Variants in PGM5 observed in about 807,000 individuals in gnomAD.
PGM5 encodes phosphoglucomutase-like protein 5.
PGM5 carries 23 observed loss-of-function variants against 59.2 expected under a neutral mutation model. The observed-to-expected ratio is 0.39, with a 90% CI of 0.28 to 0.55. PGM5 has a LOEUF of 0.55. Among genes scored for constraint, PGM5 ranks in the 20% least tolerant of loss-of-function variants. The probability of loss-of-function intolerance (pLI) is 0.66; values close to 1 mark genes in which losing one functional copy is unlikely to be tolerated. For synonymous variants in PGM5, 214 were observed against 286.0 expected, an observed-to-expected ratio of 0.75 and a Z score of 2.54; for missense variants, 574 against 748.3, an observed-to-expected ratio of 0.77 and a Z score of 2.72.
chr9:68,525,206 C>T (rs1237566471), intron 10 of PGM5, among the ~76,000 whole-genome samples: 1 of 152,160 alleles, frequency 6.6e-6, no homozygotes, highest in Admixed American at 6.5e-5. Flanking sequence ...CCCACATGCA[C>T]ACAATGTCCT....
intron 6 of PGM5, among the ~76,000 whole-genome samples, chr9:68,416,524 G>A (rs564913629): frequency 6.6e-6 from 1 of 152,200 alleles, no homozygotes. Context: ...AATAAACTAT[G>A]TGAGTTTGAA....
Position 68,465,160 on chromosome 9 carries a change from A to G in PGM5, c.1111A>G (p.Met371Val). 2 of 1,613,520 alleles carry G rather than the reference A, an allele frequency of 1.2e-6. No homozygotes were observed. Among genetic ancestry groups the G allele is most frequent in the East Asian group, 2.2e-5 (1 of 44,870 alleles). The change falls in exon 7 of 11, where the codon ATG (methionine) becomes GTG (valine). Residue 371 changes from methionine to valine, a missense_variant. Physicochemically the swap from Met to Val is conservative, Grantham distance 21. Coordinates refer to ENST00000396396, the MANE Select transcript of PGM5 (RefSeq NM_021965.4). ...TGGATGGAGATTCTTCTCAAATCTG[A>G]TGGACTCAGGACGTTGCAATCTGTG... ...PAGWRFFSNL[M>V]DSGRCNLCGE...
intron 10 of PGM5, among the ~76,000 whole-genome samples, chr9:68,514,062 A>T (rs1340841318): frequency 6.6e-6 from 1 of 152,164 alleles, no homozygotes; most frequent in Admixed American, 6.5e-5. Context: ...CATCAACATC[A>T]CCTGGTTGCT....
At chr9:68,501,984 G>A (rs1162772302) in intron 10 of PGM5, among the ~76,000 whole-genome samples, 1 of 152,188 alleles carries the variant, frequency 6.6e-6, no homozygotes, top group Non-Finnish European at 1.5e-5. Context: ...CTCACATGTA[G>A]ATTTTCCATT....
intron 6 of PGM5, among the ~76,000 whole-genome samples, chr9:68,416,842 TTTG>T (rs1823040842): frequency 6.6e-6 from 1 of 152,246 alleles, no homozygotes; most frequent in Non-Finnish European, 1.5e-5. Context: ...TATGTGTGAT[TTTG>T]TTATTTTACA....
intron 6 of PGM5, among the ~76,000 whole-genome samples, chr9:68,418,698 C>T (rs1823077747): frequency 6.6e-6 from 1 of 152,052 alleles, no homozygotes; most frequent in Non-Finnish European, 1.5e-5. Flanking sequence ...CTTCTGAATG[C>T]CCTCTGAGCC....
intron 10 of PGM5, among the ~76,000 whole-genome samples, chr9:68,528,445 T>C (rs1156696452): frequency 1.3e-5 from 2 of 152,092 alleles, no homozygotes; most frequent in Non-Finnish European, 2.9e-5. Flanking sequence ...GTCTATGTTG[T>C]TCAGGCTGGT....
At chr9:68,463,806 C>T (rs782341999) in intron 6 of PGM5, among the ~76,000 whole-genome samples, 1 of 152,110 alleles carries the variant, frequency 6.6e-6, no homozygotes, top group East Asian at 1.9e-4. Context: ...TTAATGCTGG[C>T]AATACAGCAG....
intron 10 of PGM5, among the ~76,000 whole-genome samples, chr9:68,505,584 A>G (rs951736044): frequency 6.6e-6 from 1 of 152,180 alleles, no homozygotes; most frequent in African/African-American, 2.4e-5. Flanking sequence ...TTCGCTTAGC[A>G]TTACTGGTTT....
chr9:68,357,270 T>A lies in PGM5; in HGVS notation c.143T>A (p.Val48Glu), dbSNP rs1554675803. The change falls in exon 1 of 11, where the codon GTG becomes GAG. Residue 48 changes from valine (V) to glutamate (E), a missense_variant. Around this residue, in one of 7 missense-constraint regions of PGM5, gnomAD observed 60 missense variants for 71.0 expected, o/e 0.85. Coordinates refer to ENST00000396396, the MANE Select transcript of PGM5 (RefSeq NM_021965.4). Reference sequence around the variant, plus strand: ...TACCTGCCCAACTTTATCCAGAGCGTGCTGTCGTCCATCGACCTGCGCGAC... The same window carrying A: ...TACCTGCCCAACTTTATCCAGAGCGAGCTGTCGTCCATCGACCTGCGCGAC... Reference protein sequence around the residue: ...RNYLPNFIQSVLSSIDLRDRQ... With the variant: ...RNYLPNFIQSELSSIDLRDRQ... 2.1e-5 allele frequency: 33 copies of A among 1,544,332 alleles called. No homozygotes were observed. The South Asian group carries it at 3.9e-4, about 18-fold the overall frequency.
intron 6 of PGM5, among the ~76,000 whole-genome samples, chr9:68,406,871 G>A (rs638675): frequency 0.31 from 47,063 of 149,446 alleles, 7,445 homozygotes; most frequent in Middle Eastern, 0.38. Flanking sequence ...TCCACATTAA[G>A]GACTAAATGT....
intron 10 of PGM5, among the ~76,000 whole-genome samples, chr9:68,514,007 C>T (rs549461620): frequency 3.9e-5 from 6 of 152,188 alleles, no homozygotes; most frequent in East Asian, 1.9e-4. Flanking sequence ...TTTTTAACAG[C>T]GCTTTATACT....
intron 6 of PGM5, among the ~76,000 whole-genome samples, chr9:68,425,336 T>C (rs1443929960): frequency 3.3e-5 from 5 of 152,182 alleles, no homozygotes; most frequent in Non-Finnish European, 2.9e-5. Flanking sequence ...AAGCATCCCA[T>C]CTGGTTGTCC....
At chr9:68,429,172 C>G (rs1308596383) in intron 6 of PGM5, 5 of 152,158 alleles carry the variant, frequency 3.3e-5, no homozygotes, top group African/African-American at 1.2e-4. Context: ...CTCTGAAGCA[C>G]TTAGAACAGG....
chr9:68,467,485 G>A (rs1823952788), intron 7 of PGM5, among the ~76,000 whole-genome samples: 1 of 152,120 alleles, frequency 6.6e-6, no homozygotes, highest in African/African-American at 2.4e-5. Context: ...GCTAGGATGG[G>A]AATAGCTTTC....
chr9:68,466,266 G>GT, intron 7 of PGM5: 1 of 840,916 alleles, frequency 1.2e-6, no homozygotes, highest in Non-Finnish European at 1.5e-6. Flanking sequence ...CTCCGATACT[G>GT]TGTGTTTTTT....
chr9:68,391,053 C>T (rs1554679397), intron 4 of PGM5, among the ~76,000 whole-genome samples: 2 of 151,916 alleles, frequency 1.3e-5, no homozygotes, highest in East Asian at 1.9e-4. Flanking sequence ...AAATACTATT[C>T]CTTGGCATGT....
intron 6 of PGM5, among the ~76,000 whole-genome samples, chr9:68,454,434 T>A (rs1823741484): frequency 6.6e-6 from 1 of 152,138 alleles, no homozygotes; most frequent in Non-Finnish European, 1.5e-5. Flanking sequence ...AAGTGAACGA[T>A]GTGTGCAAAG....
At chr9:68,430,297 G>T (rs1823321169) in intron 6 of PGM5, among the ~76,000 whole-genome samples, 3 of 152,182 alleles carry the variant, frequency 2.0e-5, no homozygotes, top group African/African-American at 7.2e-5. Flanking sequence ...TTTTATGCCT[G>T]CAGTGGATGT....
Sources: allele counts gnomAD v4.1 joint callset (sites outside exome capture counted in the v4.1 genomes callset), GRCh38; gene constraint gnomAD v4.1.1; regional missense constraint gnomAD v4.1.1; transcripts MANE v1.5; gene names NCBI Gene and HGNC (gene_info 2026-07-23, HGNC 2026-07-21).